Variants in CNTNAP5 observed in about 807,000 individuals in gnomAD.
CNTNAP5 encodes the protein contactin-associated protein-like 5.
In CNTNAP5, 72 loss-of-function variants were observed where a neutral mutation model predicts 150.2. The observed-to-expected ratio is 0.48, with a 90% CI of 0.40 to 0.58. CNTNAP5 has a LOEUF of 0.58. Ranked by LOEUF, CNTNAP5 falls within the 20% of genes least tolerant of loss-of-function variation. The pLI is 0.00. For missense variants in CNTNAP5, 1,636 were observed against 1,626.2 expected (o/e 1.01, Z -0.10); for synonymous variants, 672 against 619.8 (o/e 1.08, Z -1.25).
At chr2:124,325,589 TA>T (rs1553458411) in intron 3 of CNTNAP5, among the ~76,000 whole-genome samples, 1 of 152,098 alleles carries the variant, frequency 6.6e-6, no homozygotes, top group Non-Finnish European at 1.5e-5. Flanking sequence ...CATCTTGGGG[TA>T]AAAAAACTTT....
intron 7 of CNTNAP5, among the ~76,000 whole-genome samples, chr2:124,502,943 C>T (rs140911281): frequency 6.6e-6 from 1 of 152,274 alleles, no homozygotes; most frequent in East Asian, 1.9e-4. Flanking sequence ...CTGGCTTGTG[C>T]ACCCTTTAAA....
intron 3 of CNTNAP5, among the ~76,000 whole-genome samples, chr2:124,305,478 C>A (rs1688665010): frequency 6.6e-6 from 1 of 152,106 alleles, no homozygotes; most frequent in Admixed American, 6.6e-5. Context: ...ACCCTAAAAA[C>A]TATTTTGCTT....
At chr2:124,357,891 C>T (rs1690063532) in intron 3 of CNTNAP5, among the ~76,000 whole-genome samples, 1 of 150,844 alleles carries the variant, frequency 6.6e-6, no homozygotes. Flanking sequence ...TGTAAATTAC[C>T]TTGGGCAGTA....
At chr2:124,361,814 C>A (rs181171494) in intron 3 of CNTNAP5, among the ~76,000 whole-genome samples, 10,704 of 152,200 alleles carry the variant, frequency 0.07, 476 homozygotes, top group East Asian at 0.22. Flanking sequence ...AGGCAGGCCT[C>A]CTTGAGCTGT....
In CNTNAP5 at chr2:124,856,245, G is replaced by T. The variant is rs528506525; in HGVS notation, c.3218-9061G>T. Among the ~76,000 whole-genome samples, 6 of 152,244 alleles carry T rather than the reference G, an allele frequency of 3.9e-5. No individual in the cohort carries two copies. The East Asian group carries it at 9.7e-4, about 24-fold the overall frequency. On this transcript the variant is annotated intron_variant, in intron 19 of 23. Coordinates refer to ENST00000682447, the MANE Select transcript of CNTNAP5 (RefSeq NM_001367498.1). Reference sequence around the variant, plus strand: ...TTTCTTAATCTGCTAGTTGATTGATGGGCATTTGGGCTGGTTCCATATTTT... The same window carrying T: ...TTTCTTAATCTGCTAGTTGATTGATTGGCATTTGGGCTGGTTCCATATTTT...
intron 3 of CNTNAP5, among the ~76,000 whole-genome samples, chr2:124,273,739 G>T (rs1372633435): frequency 6.6e-6 from 1 of 152,156 alleles, no homozygotes; most frequent in African/African-American, 2.4e-5. Context: ...TCAAGTGGGG[G>T]CACAACTTGT....
At chr2:124,485,612 CAAAAAAAAAAAA>C (rs576700912) in intron 7 of CNTNAP5, among the ~76,000 whole-genome samples, 1 of 52,402 alleles carries the variant, frequency 1.9e-5, no homozygotes, top group Non-Finnish European at 3.3e-5. Flanking sequence ...GACTCTGTCT[CAAAAAAAAAAAA>C]AAAAAAAAAA....
chr2:124,900,281 A>G (rs1008605228), intron 21 of CNTNAP5, among the ~76,000 whole-genome samples: 14 of 151,660 alleles, frequency 9.2e-5, no homozygotes, highest in African/African-American at 3.4e-4. Flanking sequence ...AAATTATTAT[A>G]GCATACTACA....
chr2:124,428,822 C>T (rs1436044020), intron 4 of CNTNAP5, among the ~76,000 whole-genome samples: 1 of 152,066 alleles, frequency 6.6e-6, no homozygotes, highest in East Asian at 1.9e-4. Context: ...GAAATCTCCA[C>T]AAGTGTGTTA....
intron 10 of CNTNAP5, among the ~76,000 whole-genome samples, chr2:124,562,405 A>G (rs1381836427): frequency 6.6e-6 from 1 of 152,134 alleles, no homozygotes; most frequent in Non-Finnish European, 1.5e-5. Flanking sequence ...CATTAATTTT[A>G]TGTACTACAG....
At chr2:124,702,259 A>G (rs774815154) in intron 13 of CNTNAP5, among the ~76,000 whole-genome samples, 3 of 148,778 alleles carry the variant, frequency 2.0e-5, no homozygotes, top group Non-Finnish European at 4.4e-5. Context: ...ATTTGTTGTC[A>G]TCCGATTTAC....
At chr2:124,725,079 A>G (rs923776125) in intron 13 of CNTNAP5, among the ~76,000 whole-genome samples, 13 of 152,012 alleles carry the variant, frequency 8.6e-5, no homozygotes, top group African/African-American at 2.9e-4. Context: ...AGGGTCTCAC[A>G]TACACATAAA....
At chr2:124,181,888 G>C (rs566387946) in intron 1 of CNTNAP5, among the ~76,000 whole-genome samples, 1 of 152,210 alleles carries the variant, frequency 6.6e-6, no homozygotes, top group East Asian at 1.9e-4. Context: ...ATACACAGCA[G>C]GATTTTCTCT....
At chr2:124,767,998 C>T (rs973019767) in intron 16 of CNTNAP5, among the ~76,000 whole-genome samples, 18 of 152,204 alleles carry the variant, frequency 1.2e-4, no homozygotes, top group Non-Finnish European at 2.2e-4. Context: ...TGACTGGGAA[C>T]GTATACATTG....
chr2:124,874,119 T>C (rs1404826542), intron 21 of CNTNAP5, among the ~76,000 whole-genome samples: 3 of 152,096 alleles, frequency 2.0e-5, no homozygotes, highest in Admixed American at 1.3e-4. Flanking sequence ...ACATTAAAAC[T>C]TCACTGTTGG....
chr2:124,099,603 C>T (rs1683018214), intron 1 of CNTNAP5, among the ~76,000 whole-genome samples: 3 of 152,106 alleles, frequency 2.0e-5, no homozygotes, highest in Non-Finnish European at 4.4e-5. Context: ...TCTCGCATTG[C>T]CATAAAGAAA....
At chr2:124,051,200 CA>C (rs140219734) in intron 1 of CNTNAP5, among the ~76,000 whole-genome samples, 17,864 of 148,100 alleles carry the variant, frequency 0.12, 1,102 homozygotes, top group East Asian at 0.29. Context: ...TCTCTTTCCT[CA>C]AAAAAAAAAT....
At chr2:124,587,329 G>A (rs948216691) in intron 11 of CNTNAP5, among the ~76,000 whole-genome samples, 9 of 152,136 alleles carry the variant, frequency 5.9e-5, no homozygotes, top group African/African-American at 1.7e-4. Context: ...GGATTACAAT[G>A]ACAGATGCAT....
chr2:124,652,338 G>A lies in CNTNAP5; in HGVS notation c.2077+4380G>A, dbSNP rs922083907. On this transcript the variant is annotated intron_variant, in intron 13 of 23. Transcript: ENST00000682447. ...TGCAGCTTCCAGTACAGAGCCCAGG[G>A]GGGGAGAATCACCACAGCCTGCCAG... Among the ~76,000 whole-genome samples, 9 of 152,268 alleles carry A rather than the reference G, an allele frequency of 5.9e-5. No individual in the cohort carries two copies. In the South Asian group the frequency reaches 1.5e-3, roughly 25 times the overall value.
Sources: gnomAD v4.1 joint callset for allele counts (sites outside exome capture counted in the v4.1 genomes callset) on GRCh38, gnomAD v4.1.1 for gene constraint, MANE v1.5 for transcripts, NCBI Gene and HGNC (gene_info 2026-07-23, HGNC 2026-07-21) for gene names.